NFX1: variants seen among roughly 807,000 people sequenced by gnomAD.
NFX1 encodes transcriptional repressor NF-X1.
In NFX1, 69 loss-of-function variants were observed where a neutral mutation model predicts 137.2. That is an observed-to-expected ratio of 0.50 (90% CI 0.41 to 0.61). NFX1 has a LOEUF of 0.61. Ranked by LOEUF, NFX1 falls within the 20% of genes least tolerant of loss-of-function variation. The probability of loss-of-function intolerance (pLI) is 0.00; values close to 1 mark genes in which losing one functional copy is unlikely to be tolerated. For synonymous variants in NFX1, 495 were observed against 474.1 expected (o/e 1.04, Z -0.57); for missense variants, 1,167 against 1,391.0 (o/e 0.84, Z 2.56).
At chr9:33,313,903 TGAGTA>T in intron 7 of NFX1, 110 bp downstream of exon 7, 1 of 1,095,800 alleles carries the variant, frequency 9.1e-7, no homozygotes, top group South Asian at 1.4e-5. Context: ...ACAAAGACCT[TGAGTA>T]GAGAGAACTG....
chr9:33,350,185 T>C (rs935761967), intron 15 of NFX1, among the ~76,000 whole-genome samples: 1 of 151,382 alleles, frequency 6.6e-6, no homozygotes, highest in Non-Finnish European at 1.5e-5. Context: ...ACACCTGTAG[T>C]CCCAGCTACT....
chr9:33,345,246 G>A (rs1823376752), intron 14 of NFX1, among the ~76,000 whole-genome samples: 1 of 151,946 alleles, frequency 6.6e-6, no homozygotes, highest in Non-Finnish European at 1.5e-5. Context: ...GGAAGCTGAG[G>A]CAGGTGGATC....
At chr9:33,344,271 TAG>T in intron 14 of NFX1, 83 bp downstream of exon 14, 1 of 1,569,922 alleles carries the variant, frequency 6.4e-7, no homozygotes, top group South Asian at 1.1e-5. Context: ...TTCACTGCTC[TAG>T]AGTCATGCTG....
chr9:33,308,169 C>T (rs994898277), intron 5 of NFX1, among the ~76,000 whole-genome samples: 2 of 152,102 alleles, frequency 1.3e-5, no homozygotes, highest in African/African-American at 2.4e-5. Context: ...AAGCCAGACA[C>T]GGTGGCTCAT....
At chr9:33,344,496 G>A (rs899408387) in intron 14 of NFX1, among the ~76,000 whole-genome samples, 1 of 152,180 alleles carries the variant, frequency 6.6e-6, no homozygotes, top group South Asian at 2.1e-4. Context: ...TTGAAATTTA[G>A]CATCTTTTTA....
intron 9 of NFX1, among the ~76,000 whole-genome samples, chr9:33,327,693 C>A (rs1822647146): frequency 6.6e-6 from 1 of 152,060 alleles, no homozygotes; most frequent in Admixed American, 6.6e-5. Context: ...GTCAAAGATA[C>A]AATGAGGCTG....
rs372838405 is a variant in NFX1 at position 33,347,239 on chromosome 9, C to T, written c.2424+122C>T. 2.7e-4 allele frequency: 196 copies of T among 723,658 alleles called. 3 individuals carry two copies. In the African/African-American group the frequency reaches 3.2e-3, roughly 12 times the overall value. The allele number at this position is 723,658 out of a possible 1,614,324, so 44.8% of individuals were successfully genotyped here. A position where few individuals can be genotyped will look rare whatever the true frequency, so the allele number is the denominator to read the frequency against. On this transcript the variant is annotated intron_variant, in intron 15 of 23. Coordinates refer to ENST00000379540, the MANE Select transcript of NFX1 (RefSeq NM_002504.6). ...ACTCAGAAGTAGAAGCTTTCCATTG[C>T]TTAAAAATTTTTTCTTAAGATATAA...
In NFX1 at chr9:33,364,733, G is replaced by A. The variant is rs137901689; in HGVS notation, c.2998G>A (p.Val1000Ile). ...ARKDLKFVSD[V>I]EKEMETLVEA... Reference sequence around the variant, plus strand: ...GAAGGACTTAAAGTTTGTCAGTGACGTTGAGAAGGAAATGGAAACCCTCGT... The same window carrying A: ...GAAGGACTTAAAGTTTGTCAGTGACATTGAGAAGGAAATGGAAACCCTCGT... The change falls in exon 21 of 24, where the codon GTT (valine) becomes ATT (isoleucine). Residue 1000 changes from valine to isoleucine, a missense_variant. Val to Ile is a conservative substitution (Grantham distance 29). Coordinates refer to ENST00000379540, the MANE Select transcript of NFX1 (RefSeq NM_002504.6). The A allele has an allele frequency of 1.4e-3, 2,211 of 1,613,712 alleles. 5 individuals carry two copies. Among genetic ancestry groups the A allele is most frequent in the Non-Finnish European group, 1.4e-3 (1,692 of 1,179,854 alleles).
chr9:33,303,114 T>G, intron 3 of NFX1, 77 bp from the exon 4 acceptor site: 1 of 1,131,336 alleles, frequency 8.8e-7, no homozygotes, highest in Non-Finnish European at 1.3e-6. Flanking sequence ...TGTGTCTTCC[T>G]ATAGATTTAA....
Position 33,344,154 on chromosome 9 carries a change from A to G in NFX1, c.2310A>G (p.Gln770=), listed in dbSNP as rs377241987. ...GTACTAGGCCCCCTGAATGTACCCA[A>G]ACCTGCGCTAGAGTCCATGAGTGTG... ...PCGTRPPECT[Q]TCARVHECDH... is the part of the protein sequence containing the mutation. Residue 770 remains glutamine, a synonymous_variant, in exon 14 of 24, where the codon CAA becomes CAG. Coordinates refer to ENST00000379540, the MANE Select transcript of NFX1 (RefSeq NM_002504.6). The G allele has an allele frequency of 2.7e-5, 43 of 1,614,000 alleles. No homozygotes were observed. Among genetic ancestry groups the G allele is most frequent in the Middle Eastern group, 1.6e-4 (1 of 6,062 alleles).
intron 17 of NFX1, among the ~76,000 whole-genome samples, chr9:33,353,146 C>G (rs1823698844): frequency 1.3e-5 from 2 of 152,206 alleles, no homozygotes; most frequent in African/African-American, 4.8e-5. Flanking sequence ...TGTAAAATAA[C>G]TTTGAAATTT....
At chr9:33,321,562 G>T (rs890854894) in intron 9 of NFX1, among the ~76,000 whole-genome samples, 18 of 152,076 alleles carry the variant, frequency 1.2e-4, no homozygotes, top group African/African-American at 4.3e-4. Context: ...AGCAAACAAA[G>T]CTAGGGAAAA....
At chr9:33,325,929 T>A (rs979149387) in intron 9 of NFX1, among the ~76,000 whole-genome samples, 4 of 152,138 alleles carry the variant, frequency 2.6e-5, no homozygotes, top group Admixed American at 6.5e-5. Context: ...CTCAACTGAT[T>A]TAAAAAACAA....
chr9:33,361,839 A>G (rs944185361), intron 19 of NFX1, among the ~76,000 whole-genome samples: 3 of 151,322 alleles, frequency 2.0e-5, no homozygotes, highest in Non-Finnish European at 3.0e-5. Context: ...TAGTGAAAAA[A>G]GGGGCCCGTT....
chr9:33,347,476 AT>A (rs959389025), intron 15 of NFX1, among the ~76,000 whole-genome samples: 6 of 151,906 alleles, frequency 3.9e-5, no homozygotes, highest in Admixed American at 1.3e-4. Context: ...AAAATACCAA[AT>A]TTTTTTTTAA....
chr9:33,341,169 T>C (rs1823205703), intron 12 of NFX1, among the ~76,000 whole-genome samples: 1 of 151,606 alleles, frequency 6.6e-6, no homozygotes, highest in Admixed American at 6.6e-5. Context: ...AAAGAAAGAG[T>C]TTTAATGGAC....
At chr9:33,314,614 T>TTGCAGTGAGCAGAGATGGTGCCAC (rs1822088113) in intron 7 of NFX1, among the ~76,000 whole-genome samples, 1 of 151,886 alleles carries the variant, frequency 6.6e-6, no homozygotes, top group African/African-American at 2.4e-5. Flanking sequence ...GAGGCGGAGG[T>TTGCAGTGAGCAGAGATGGTGCCAC]TGCAGTGAGC....
At chr9:33,338,839 A>T (rs530650899) in intron 12 of NFX1, among the ~76,000 whole-genome samples, 3 of 152,254 alleles carry the variant, frequency 2.0e-5, no homozygotes, top group African/African-American at 4.8e-5. Flanking sequence ...GAAAGAGATA[A>T]GAGAAGGTCT....
At chr9:33,301,045 C>G (rs1821544302) in intron 2 of NFX1, among the ~76,000 whole-genome samples, 1 of 152,214 alleles carries the variant, frequency 6.6e-6, no homozygotes. Flanking sequence ...GAATCCCCAC[C>G]TGAGTGTCTC....
Sources: gnomAD v4.1 joint callset for allele counts (sites outside exome capture counted in the v4.1 genomes callset) on GRCh38, gnomAD v4.1.1 for gene constraint, MANE v1.5 for transcripts, NCBI Gene and HGNC (gene_info 2026-07-23, HGNC 2026-07-21) for gene names.